RBFOX1: variants seen among roughly 807,000 people sequenced by gnomAD.
RBFOX1 encodes RNA binding fox-1 homolog 1.
In RBFOX1, 8 loss-of-function variants were observed where a neutral mutation model predicts 57.7. That is an observed-to-expected ratio of 0.14 (90% confidence interval 0.08 to 0.25). RBFOX1 has a LOEUF of 0.25. RBFOX1 is among the 10% of genes least tolerant of loss of function. The pLI is 1.00. For synonymous variants in RBFOX1, 326 were observed against 222.4 expected, an observed-to-expected ratio of 1.47 and a Z score of -4.15; for missense variants, 611 against 548.5, an observed-to-expected ratio of 1.11 and a Z score of -1.14.
At chr16:7,206,298 A>C (rs377361638) in intron 4 of RBFOX1, among the ~76,000 whole-genome samples, 11 of 152,090 alleles carry the variant, frequency 7.2e-5, no homozygotes, top group African/African-American at 2.7e-4. Flanking sequence ...GAAGTAGGTG[A>C]AAGTTTTCAG....
chr16:6,895,142 C>T (rs899762491), intron 3 of RBFOX1, among the ~76,000 whole-genome samples: 1 of 151,824 alleles, frequency 6.6e-6, no homozygotes, highest in South Asian at 2.1e-4. Flanking sequence ...CAGAGAAGCA[C>T]CAAATCAAAA....
intron 1 of RBFOX1, among the ~76,000 whole-genome samples, chr16:6,232,759 A>G (rs1012007863): frequency 6.6e-6 from 1 of 152,136 alleles, no homozygotes; most frequent in Non-Finnish European, 1.5e-5. Flanking sequence ...TCATTAATGC[A>G]GTGACCTCGA....
chr16:7,283,246 G>A (rs749919347), intron 4 of RBFOX1, among the ~76,000 whole-genome samples: 3 of 151,562 alleles, frequency 2.0e-5, no homozygotes, highest in Non-Finnish European at 2.9e-5. Context: ...CTCTCTGTTC[G>A]TTCATCCCCT....
At chr16:6,054,638 C>T (rs373420731) in intron 1 of RBFOX1, among the ~76,000 whole-genome samples, 22 of 152,228 alleles carry the variant, frequency 1.4e-4, no homozygotes, top group African/African-American at 4.3e-4. Flanking sequence ...TTCTTGTTGT[C>T]GTTGGTTTAG....
chr16:5,461,787 C>T (rs1221201162), intron 1 of RBFOX1, among the ~76,000 whole-genome samples: 1 of 152,132 alleles, frequency 6.6e-6, no homozygotes, highest in Non-Finnish European at 1.5e-5. Context: ...TCTCACATTT[C>T]ATCTCAGTTT....
At chr16:5,583,943 C>G (rs2046753483) in intron 2 of RBFOX1, among the ~76,000 whole-genome samples, 1 of 152,184 alleles carries the variant, frequency 6.6e-6, no homozygotes, top group Non-Finnish European at 1.5e-5. Flanking sequence ...GGACTTCTCT[C>G]CGGGAATGGC....
chr16:6,406,578 A>G (rs1265710010), intron 2 of RBFOX1, among the ~76,000 whole-genome samples: 1 of 140,834 alleles, frequency 7.1e-6, no homozygotes, highest in Non-Finnish European at 1.6e-5. Context: ...GAAGTCGAAC[A>G]TTTTTTTTTT....
chr16:5,851,400 C>G (rs1396686040), intron 3 of RBFOX1, among the ~76,000 whole-genome samples: 1 of 152,140 alleles, frequency 6.6e-6, no homozygotes, highest in Non-Finnish European at 1.5e-5. Context: ...CCTAGACCGC[C>G]TCTCTCTGCA....
rs530875400 is a variant in RBFOX1, at chr16:6,693,626, T to G, written c.-16+38976T>G. 1.8e-3 allele frequency among the ~76,000 whole-genome samples: 264 copies of G among 150,682 alleles called. 1 individual carries two copies. The highest frequency in any genetic ancestry group is 6.1e-3 in the African/African-American group (248 of 40,838). On this transcript the variant is annotated intron_variant, in intron 3 of 15. Transcript: ENST00000550418. ...CACCACCATCATCATCAACACATTT[T>G]TATTCACTACCATCACCACCACAAT...
intron 4 of RBFOX1, among the ~76,000 whole-genome samples, chr16:7,262,966 A>C (rs1263934225): frequency 6.6e-6 from 1 of 152,152 alleles, no homozygotes; most frequent in Non-Finnish European, 1.5e-5. Flanking sequence ...TGGGACCTCC[A>C]CTTACTCTAG....
At chr16:5,786,659 T>A (rs1224784407) in intron 3 of RBFOX1, among the ~76,000 whole-genome samples, 1 of 152,252 alleles carries the variant, frequency 6.6e-6, no homozygotes, top group South Asian at 2.1e-4. Flanking sequence ...ACTGCCCTCA[T>A]CCCAAACCTG....
intron 4 of RBFOX1, among the ~76,000 whole-genome samples, chr16:7,109,653 G>A (rs1160351567): frequency 6.6e-6 from 1 of 152,138 alleles, no homozygotes; most frequent in Non-Finnish European, 1.5e-5. Flanking sequence ...ATCCATATAG[G>A]CGCAGATAGT....
At chr16:7,074,323 C>G (rs942878981) in intron 4 of RBFOX1, among the ~76,000 whole-genome samples, 19 of 152,164 alleles carry the variant, frequency 1.2e-4, no homozygotes, top group Non-Finnish European at 5.9e-5. Context: ...AAGAACCAAA[C>G]TGAGATTCTG....
chr16:7,694,325 C>T (rs539920337), intron 14 of RBFOX1, among the ~76,000 whole-genome samples: 31 of 152,144 alleles, frequency 2.0e-4, no homozygotes, highest in Non-Finnish European at 3.7e-4. Flanking sequence ...ATCAATGCTG[C>T]AGTAAAAAAA....
intron 2 of RBFOX1, among the ~76,000 whole-genome samples, chr16:5,545,127 C>G (rs1042803922): frequency 1.1e-4 from 16 of 151,906 alleles, no homozygotes; most frequent in Admixed American, 9.8e-4. Flanking sequence ...CAGGCACCTG[C>G]CACCATGCCT....
At chr16:5,400,792 C>G (rs536685888) in intron 1 of RBFOX1, among the ~76,000 whole-genome samples, 43 of 152,192 alleles carry the variant, frequency 2.8e-4, no homozygotes, top group African/African-American at 9.4e-4. Context: ...TTCCCCACCC[C>G]CAACAGGTCT....
chr16:6,431,896 G>GCTTGCTTGCTTGCTTGCTTGCTTTCTTT (rs1491277692), intron 2 of RBFOX1, among the ~76,000 whole-genome samples: 31 of 128,186 alleles, frequency 2.4e-4, no homozygotes, highest in African/African-American at 3.4e-4. Flanking sequence ...TTGCTTGCTT[G>GCTTGCTTGCTTGCTTGCTTGCTTTCTTT]CTTTCTTTCT....
At chr16:5,748,254 T>G (rs1366938069) in intron 3 of RBFOX1, among the ~76,000 whole-genome samples, 1 of 152,116 alleles carries the variant, frequency 6.6e-6, no homozygotes, top group Non-Finnish European at 1.5e-5. Context: ...TTGTTATAAT[T>G]TCTGTTCTTT....
chr16:5,397,312 C>T (rs2066586905), intron 1 of RBFOX1, among the ~76,000 whole-genome samples: 1 of 152,166 alleles, frequency 6.6e-6, no homozygotes, highest in Admixed American at 6.5e-5. Context: ...AGTGGCAGCC[C>T]CTCTGGGTCC....
Sources: gnomAD v4.1 joint callset for allele counts (sites outside exome capture counted in the v4.1 genomes callset) on GRCh38, gnomAD v4.1.1 for gene constraint, MANE v1.5 for transcripts, NCBI Gene and HGNC (gene_info 2026-07-23, HGNC 2026-07-21) for gene names.